PLD1: variants seen among roughly 807,000 people sequenced by gnomAD.
PLD1 encodes choline phosphatase 1.
Under a neutral mutation model 137.1 loss-of-function variants are expected in PLD1, and 112 were observed. That is an observed-to-expected ratio of 0.82 (90% CI 0.70 to 0.96). The LOEUF is 0.96. PLD1 is among the 40% of genes least tolerant of loss of function. PLD1 has a pLI of 0.00. For synonymous variants in PLD1, 431 were observed against 454.7 expected, an observed-to-expected ratio of 0.95 and a Z score of 0.66; for missense variants, 1,321 against 1,342.0, an observed-to-expected ratio of 0.98 and a Z score of 0.24.
At chr3:171,761,071 A>T (rs1239481231) in intron 1 of PLD1, among the ~76,000 whole-genome samples, 1 of 152,238 alleles carries the variant, frequency 6.6e-6, no homozygotes, top group Non-Finnish European at 1.5e-5. Context: ...ATACATCTTC[A>T]TTTAAGTTTA....
At chr3:171,778,231 G>T (rs944580819) in intron 1 of PLD1, among the ~76,000 whole-genome samples, 5 of 152,104 alleles carry the variant, frequency 3.3e-5, no homozygotes, top group African/African-American at 1.2e-4. Flanking sequence ...TGAAAATGGG[G>T]CCAGAAAGCT....
At chr3:171,748,204 G>A (rs1351509267) in intron 1 of PLD1, among the ~76,000 whole-genome samples, 1 of 152,114 alleles carries the variant, frequency 6.6e-6, no homozygotes, top group African/African-American at 2.4e-5. Context: ...AGAAAATATG[G>A]GAGGATTACT....
At chr3:171,693,987 A>G (rs1201972254) in intron 12 of PLD1, among the ~76,000 whole-genome samples, 1 of 152,204 alleles carries the variant, frequency 6.6e-6, no homozygotes, top group East Asian at 1.9e-4. Flanking sequence ...ACATCACAAG[A>G]TACAAAATCT....
intron 17 of PLD1, 89 bp downstream of exon 17, chr3:171,677,477 G>T: frequency 2.4e-6 from 3 of 1,266,014 alleles, no homozygotes; most frequent in South Asian, 1.6e-5. Context: ...CAAAACAAAA[G>T]GCATTTAGAT....
At chr3:171,784,166 T>G (rs897802391) in intron 1 of PLD1, among the ~76,000 whole-genome samples, 1 of 152,188 alleles carries the variant, frequency 6.6e-6, no homozygotes, top group African/African-American at 2.4e-5. Flanking sequence ...CTTCAACAAA[T>G]TGGCTATCAG....
chr3:171,610,279 A>C (rs1047217724), intron 25 of PLD1, among the ~76,000 whole-genome samples: 1 of 152,248 alleles, frequency 6.6e-6, no homozygotes, highest in Non-Finnish European at 1.5e-5. Context: ...GTAGCCATTA[A>C]CATATTGTAG....
At chr3:171,639,854 A>G (rs1205841870) in intron 23 of PLD1, among the ~76,000 whole-genome samples, 1 of 134,962 alleles carries the variant, frequency 7.4e-6, no homozygotes, top group South Asian at 2.2e-4. Context: ...CTCTCTATAT[A>G]TATATATATA....
intron 24 of PLD1, among the ~76,000 whole-genome samples, chr3:171,616,743 C>T (rs904172294): frequency 3.9e-5 from 6 of 152,192 alleles, no homozygotes; most frequent in Non-Finnish European, 1.5e-5. Context: ...AAGAATGCAA[C>T]AGCCCTGCTC....
At chr3:171,784,030 T>C (rs1722897075) in intron 1 of PLD1, among the ~76,000 whole-genome samples, 1 of 152,238 alleles carries the variant, frequency 6.6e-6, no homozygotes. Flanking sequence ...TGTACCCATT[T>C]GGTCTTTTCA....
rs922432345 is a variant in PLD1 at position 171,784,968 on chromosome 3, C to A, written c.-32+25431G>T. ...ATAACATACAAATACATATTTTAGACGGAATCATAAGGAAAAGTTAAATAC... is the reference window on the plus strand; with the variant it reads ...ATAACATACAAATACATATTTTAGAAGGAATCATAAGGAAAAGTTAAATAC... On this transcript the variant is annotated intron_variant, in intron 1 of 26. Coordinates refer to ENST00000351298, the MANE Select transcript of PLD1 (RefSeq NM_002662.5). Among the ~76,000 whole-genome samples the A allele has an allele frequency of 1.9e-4, 29 of 152,086 alleles. 1 individual carries two copies. The highest frequency in any genetic ancestry group is 1.8e-3 in the Admixed American group (28 of 15,270).
At chr3:171,778,478 AG>A (rs1722662842) in intron 1 of PLD1, among the ~76,000 whole-genome samples, 1 of 152,188 alleles carries the variant, frequency 6.6e-6, no homozygotes, top group African/African-American at 2.4e-5. Context: ...GCATCTGGAG[AG>A]AGATGGCATA....
chr3:171,655,775 CA>C lies in PLD1; in HGVS notation c.2429+3437del, dbSNP rs1318127298. ...GAGATTAACAAGAATGCAGAGACGC[CA>C]GGGGTGAGGGGAACATAAAATATGT... On this transcript the variant is annotated intron_variant, in intron 21 of 26. Coordinates refer to ENST00000351298, the MANE Select transcript of PLD1 (RefSeq NM_002662.5). 4.6e-5 allele frequency among the ~76,000 whole-genome samples: 7 copies of C among 152,188 alleles called. No homozygotes were observed. The South Asian group carries it at 1.5e-3, about 32-fold the overall frequency.
At chr3:171,770,076 C>G (rs1722237070) in intron 1 of PLD1, among the ~76,000 whole-genome samples, 1 of 152,148 alleles carries the variant, frequency 6.6e-6, no homozygotes, top group African/African-American at 2.4e-5. Context: ...CTCTTTAGAT[C>G]TTTAAATTAA....
rs149292606 is a variant in PLD1, at chr3:171,776,451, G to T, written c.-32+33948C>A. ...TTAGTTCTGATTGGTGATCCAGAGT[G>T]AATTACAAGATTTGCAATATTTCAG... On this transcript the variant is annotated intron_variant, in intron 1 of 26. Transcript: ENST00000351298. Among the ~76,000 whole-genome samples, 126 of 152,316 alleles carry T rather than the reference G, an allele frequency of 8.3e-4. 2 individuals carry two copies. The East Asian group carries it at 0.018, about 22-fold the overall frequency.
intron 3 of PLD1, among the ~76,000 whole-genome samples, chr3:171,736,719 T>C (rs1241445610): frequency 6.6e-6 from 1 of 152,150 alleles, no homozygotes; most frequent in African/African-American, 2.4e-5. Context: ...TGGTTATTAA[T>C]CTGTGCTTCC....
chr3:171,628,144 A>AT (rs1677680455), intron 23 of PLD1, among the ~76,000 whole-genome samples: 1 of 152,190 alleles, frequency 6.6e-6, no homozygotes, highest in South Asian at 2.1e-4. Flanking sequence ...AGAGAGAAGA[A>AT]TTAAATAGAC....
intron 25 of PLD1, 88 bp from the exon 26 acceptor site, chr3:171,605,504 G>C (rs1377845853): frequency 6.6e-6 from 5 of 762,958 alleles, no homozygotes; most frequent in Non-Finnish European, 1.2e-5. Context: ...CTCTATATAT[G>C]CAAATATATA....
chr3:171,721,011 C>A (rs1426423023), intron 8 of PLD1, among the ~76,000 whole-genome samples: 1 of 152,180 alleles, frequency 6.6e-6, no homozygotes, highest in Non-Finnish European at 1.5e-5. Flanking sequence ...AAGCTCTCAT[C>A]GCTACCTGAA....
intron 23 of PLD1, among the ~76,000 whole-genome samples, chr3:171,635,196 C>G (rs887569826): frequency 6.6e-6 from 1 of 152,100 alleles, no homozygotes; most frequent in Non-Finnish European, 1.5e-5. Flanking sequence ...GTTGTTTCCA[C>G]TTTTTGGCTA....
Sources: allele counts gnomAD v4.1 joint callset (sites outside exome capture counted in the v4.1 genomes callset), GRCh38; gene constraint gnomAD v4.1.1; transcripts MANE v1.5; gene names NCBI Gene and HGNC (gene_info 2026-07-23, HGNC 2026-07-21).